The following ANKRD11 variants were observed in gnomAD, a reference collection of about 807,000 sequenced individuals.
ANKRD11 encodes the protein ankyrin repeat domain 11, also known as ankyrin repeat domain-containing protein 11.
A neutral mutation model predicts 195.7 loss-of-function variants in ANKRD11; 17 were observed. The observed-to-expected ratio is 0.09, with a 90% CI of 0.06 to 0.13. The LOEUF is 0.13. Among genes scored for constraint, ANKRD11 ranks in the 10% least tolerant of loss-of-function variants. The probability of loss-of-function intolerance (pLI) is 1.00; values close to 1 mark genes in which losing one functional copy is unlikely to be tolerated. For missense variants in ANKRD11, 3,735 were observed against 3,566.1 expected, an observed-to-expected ratio of 1.05 and a Z score of -1.21; for synonymous variants, 1,953 against 1,528.1, an observed-to-expected ratio of 1.28 and a Z score of -6.49.
At chr16:89,444,414 G>A (rs369283524) in intron 1 of ANKRD11, among the ~76,000 whole-genome samples, 9 of 152,062 alleles carry the variant, frequency 5.9e-5, no homozygotes, top group Non-Finnish European at 1.2e-4. Context: ...CATTTTCTTT[G>A]GGCTCCAGAA....
At position 89,334,218 on chromosome 16, in the gene ANKRD11, G is replaced by A. The variant is rs187582700; in HGVS notation, c.-59-17140C>T. 2.8e-4 allele frequency among the ~76,000 whole-genome samples: 42 copies of A among 149,756 alleles called. 1 individual carries two copies. Among genetic ancestry groups the A allele is most frequent in the Admixed American group, 2.3e-3 (34 of 15,070 alleles). On this transcript the variant is annotated intron_variant, in intron 2 of 12. Transcript: ENST00000301030. ...AGAAAAAACACTGTTCCCAAGCTGC[G>A]GGCTCAGGACAATGTCTGATGCCTG...
intron 2 of ANKRD11, among the ~76,000 whole-genome samples, chr16:89,384,269 G>A (rs1267671720): frequency 1.3e-5 from 2 of 152,150 alleles, no homozygotes; most frequent in African/African-American, 2.4e-5. Context: ...GGTGGCTCAC[G>A]CCTGTAATCC....
At chr16:89,295,149 G>GGTGGGA (rs2035332817) in intron 4 of ANKRD11, among the ~76,000 whole-genome samples, 1 of 152,204 alleles carries the variant, frequency 6.6e-6, no homozygotes, top group Non-Finnish European at 1.5e-5. Flanking sequence ...CCGGGGTGGG[G>GGTGGGA]GTGGGAGCCA....
intron 2 of ANKRD11, among the ~76,000 whole-genome samples, chr16:89,413,061 C>T (rs758590968): frequency 2.8e-4 from 42 of 152,168 alleles, no homozygotes; most frequent in Non-Finnish European, 6.0e-4. Context: ...CAACCAGAGC[C>T]TGGAGGGGGA....
At position 89,280,896 on chromosome 16, in the gene ANKRD11, G is replaced by C. The variant is rs368723176; in HGVS notation, c.5646C>G (p.Val1882=). Residue 1882 remains valine, a synonymous_variant, in exon 9 of 13, where the codon GTC becomes GTG. Transcript: ENST00000301030. The stretch of plus-strand genomic sequence containing the variant: ...AAGGTTTTGCTTGTAAACTTGAGAA[G>C]ACGCCCTCTGGAGACGGGGTGACAG... The part of the protein sequence containing the change: ...VVTVTPSPEG[V]FSSLQAKPSP... 4.2e-5 allele frequency: 67 copies of C among 1,603,782 alleles called. No individual in the cohort carries two copies. The highest frequency in any genetic ancestry group is 8.4e-5 in the Admixed American group (5 of 59,294).
intron 1 of ANKRD11, chr16:89,420,372 G>C (rs952126566): frequency 6.6e-6 from 1 of 152,206 alleles, no homozygotes; most frequent in African/African-American, 2.4e-5. Flanking sequence ...CTAGATGCCA[G>C]TAAGGCCACC....
At chr16:89,391,452 C>T (rs912558940) in intron 2 of ANKRD11, among the ~76,000 whole-genome samples, 10 of 152,068 alleles carry the variant, frequency 6.6e-5, no homozygotes, top group Non-Finnish European at 1.5e-5. Flanking sequence ...AGCTGGTGTC[C>T]GCCACAGAAC....
At chr16:89,344,735 G>A (rs1161319592) in intron 2 of ANKRD11, among the ~76,000 whole-genome samples, 1 of 147,642 alleles carries the variant, frequency 6.8e-6, no homozygotes, top group Non-Finnish European at 1.5e-5. Context: ...ACGAGGGCAC[G>A]GGAGCACAGC....
At chr16:89,317,254 G>T (rs2037018715) in intron 2 of ANKRD11, among the ~76,000 whole-genome samples, 176 bp from the exon 3 acceptor site, 1 of 152,210 alleles carries the variant, frequency 6.6e-6, no homozygotes, top group Non-Finnish European at 1.5e-5. Context: ...CCCATAAAGG[G>T]GTCACCAGCA....
intron 1 of ANKRD11, among the ~76,000 whole-genome samples, chr16:89,448,830 A>C (rs1040109628): frequency 3.9e-5 from 6 of 152,110 alleles, no homozygotes; most frequent in Admixed American, 2.6e-4. Context: ...GAGTCCCGGC[A>C]TGCGGGCAGG....
intron 1 of ANKRD11, among the ~76,000 whole-genome samples, chr16:89,462,983 C>A (rs1456468023): frequency 6.6e-6 from 1 of 151,146 alleles, no homozygotes; most frequent in Non-Finnish European, 1.5e-5. Context: ...GCCAGCCGCC[C>A]CGTCCGGGAG....
chr16:89,401,139 G>C (rs377459039), intron 2 of ANKRD11, among the ~76,000 whole-genome samples: 11 of 137,676 alleles, frequency 8.0e-5, no homozygotes, highest in African/African-American at 3.1e-4. Flanking sequence ...TGCTGCTCAG[G>C]CTGGAGTGCA....
At chr16:89,334,099 C>G (rs909419050) in intron 2 of ANKRD11, among the ~76,000 whole-genome samples, 4 of 144,428 alleles carry the variant, frequency 2.8e-5, no homozygotes, top group African/African-American at 1.1e-4. Flanking sequence ...ATCACTTAAG[C>G]CCAGTTCAAG....
chr16:89,378,856 TGATGGG>T (rs1417397374), intron 2 of ANKRD11, among the ~76,000 whole-genome samples: 5 of 151,340 alleles, frequency 3.3e-5, no homozygotes, highest in African/African-American at 1.2e-4. Flanking sequence ...TTTAAGGGGT[TGATGGG>T]TGGGGCGAGG....
chr16:89,484,548 A>T (rs1445978092), intron 1 of ANKRD11, among the ~76,000 whole-genome samples: 1 of 152,234 alleles, frequency 6.6e-6, no homozygotes, highest in Admixed American at 6.5e-5. Flanking sequence ...CTAAGCCATT[A>T]GCATCCTAAG....
At chr16:89,328,144 C>T (rs541992365) in intron 2 of ANKRD11, among the ~76,000 whole-genome samples, 4 of 98,816 alleles carry the variant, frequency 4.0e-5, no homozygotes, top group Admixed American at 1.0e-4. Flanking sequence ...AACTTAAAGC[C>T]GCAATGAGAT....
chr16:89,419,912 G>A (rs952069385), intron 1 of ANKRD11, among the ~76,000 whole-genome samples: 1 of 152,170 alleles, frequency 6.6e-6, no homozygotes, highest in Non-Finnish European at 1.5e-5. Flanking sequence ...GCTGGCTCAC[G>A]CCTGTAATCC....
chr16:89,286,206 G>A lies in ANKRD11; in HGVS notation c.745-20C>T, dbSNP rs371708631. The A allele has an allele frequency of 1.5e-4, 245 of 1,611,334 alleles. 3 individuals are homozygous for A. In the South Asian group the frequency reaches 2.3e-3, roughly 15 times the overall value. ...CACCACCTACAAGACAGTAACACCCGCGTCAGGGACTGCTGGAGAAGCACA... is the reference window on the plus strand; with the variant it reads ...CACCACCTACAAGACAGTAACACCCACGTCAGGGACTGCTGGAGAAGCACA... On this transcript the variant is annotated intron_variant, in intron 7 of 12. Coordinates refer to ENST00000301030, the MANE Select transcript of ANKRD11 (RefSeq NM_013275.6).
intron 2 of ANKRD11, chr16:89,323,303 C>T (rs1471272246): frequency 7.8e-7 from 1 of 1,288,862 alleles, no homozygotes. Context: ...AGTGACACAC[C>T]CTATGACCCA....
Sources: gnomAD v4.1 joint callset for allele counts (sites outside exome capture counted in the v4.1 genomes callset) on GRCh38, gnomAD v4.1.1 for gene constraint, MANE v1.5 for transcripts, NCBI Gene and HGNC (gene_info 2026-07-23, HGNC 2026-07-21) for gene names.